The following TTC19 variants were observed in gnomAD, a reference collection of about 807,000 sequenced individuals.
TTC19 encodes tetratricopeptide repeat protein 19, mitochondrial.
A neutral mutation model predicts 49.5 loss-of-function variants in TTC19; 38 were observed. That is an observed-to-expected ratio of 0.77 (90% CI 0.59 to 1.01). The LOEUF is 1.01. Ranked by LOEUF, TTC19 falls within the 50% of genes least tolerant of loss-of-function variation. The probability of loss-of-function intolerance (pLI) is 0.00; values close to 1 mark genes in which losing one functional copy is unlikely to be tolerated. For synonymous variants in TTC19, 204 were observed against 185.2 expected, an observed-to-expected ratio of 1.10 and a Z score of -0.83; for missense variants, 475 against 477.7, an observed-to-expected ratio of 0.99 and a Z score of 0.05.
rs2056994248 is a variant in TTC19, at chr17:16,038,878, C to T, written c.248-5625C>T. Among the ~76,000 whole-genome samples the T allele has an allele frequency of 2.0e-5, 3 of 152,208 alleles. 1 individual carries two copies. Among genetic ancestry groups the T allele is most frequent in the East Asian group, 3.8e-4 (2 of 5,200 alleles). On this transcript the variant is annotated intron_variant, in intron 2 of 2. Coordinates refer to the TTC19 transcript ENST00000470649. ...CTCCGCCTCTCGGGTTCAAGCAATTCTCCTGCCTCAGCCTCCTGAGTACCT... is the reference window on the plus strand; with the variant it reads ...CTCCGCCTCTCGGGTTCAAGCAATTTTCCTGCCTCAGCCTCCTGAGTACCT...
chr17:16,018,338 G>A (rs999881214), intron 7 of TTC19, among the ~76,000 whole-genome samples: 2 of 151,998 alleles, frequency 1.3e-5, no homozygotes, highest in African/African-American at 2.4e-5. Flanking sequence ...ACATGCTCTG[G>A]CCTCTTACCC....
chr17:16,010,167 AT>A (rs1201745186), intron 7 of TTC19, among the ~76,000 whole-genome samples: 2,014 of 108,194 alleles, frequency 0.019, 13 homozygotes, highest in African/African-American at 0.068. Context: ...TTAATTTTTA[AT>A]TTTTTTTTTT....
rs780815687 is a variant in TTC19, at chr17:16,000,202, A to ACGAGGC, written c.276_281dup (p.Ala94_Glu95dup). On this transcript the variant is annotated inframe_insertion, in exon 2 of 10. Transcript: ENST00000261647. ...GGGGCCGCTGCCGAGGACGGGGCGG[A>ACGAGGC]CGAGGCCGAGGCAGAGATCATCCAG... is the stretch of plus-strand genomic sequence containing the variant. The ACGAGGC allele has an allele frequency of 3.8e-6, 6 of 1,594,344 alleles. No individual in the cohort carries two copies. In the African/African-American group the frequency reaches 6.7e-5, roughly 18 times the overall value.
At chr17:16,034,667 T>A in intron 2 of TTC19, 4 of 1,115,046 alleles carry the variant, frequency 3.6e-6, no homozygotes, top group Non-Finnish European at 5.2e-6. Context: ...GAATATAGGT[T>A]TCCAAATTAG....
chr17:16,025,243 C>T, intron 8 of TTC19, 72 bp downstream of exon 8: 1 of 1,501,328 alleles, frequency 6.7e-7, no homozygotes, highest in Non-Finnish European at 9.1e-7. Flanking sequence ...AAATGTCACA[C>T]TCATTGGTAA....
intron 9 of TTC19, 176 bp downstream of exon 9, chr17:16,026,878 C>CA: frequency 1.4e-6 from 1 of 727,968 alleles, no homozygotes; most frequent in Non-Finnish European, 2.4e-6. Flanking sequence ...CTATTGTGTT[C>CA]AATTCACGTA....
At position 16,001,992 on chromosome 17, in the gene TTC19, T is replaced by C. The variant is rs756757724; in HGVS notation, c.390T>C (p.Asp130=). 6.2e-7 allele frequency: 1 copy of C among 1,613,004 alleles called. No individual in the cohort carries two copies. Among genetic ancestry groups the C allele is most frequent in the African/African-American group, 1.3e-5 (1 of 74,934 alleles). ...CTCTTCGTCTCGCCTATCAGACTGATAACAAGAAGGCCATCACTTACACTT... is the reference window on the plus strand; with the variant it reads ...CTCTTCGTCTCGCCTATCAGACTGACAACAAGAAGGCCATCACTTACACTT... ...HDALRLAYQT[D]NKKAITYTYD... Residue 130 remains aspartate, a synonymous_variant, in exon 3 of 10, where the codon GAT becomes GAC. Coordinates refer to ENST00000261647, the MANE Select transcript of TTC19 (RefSeq NM_017775.4).
At chr17:16,002,064 GT>G in intron 3 of TTC19, 39 bp downstream of exon 3, 2 of 1,390,094 alleles carry the variant, frequency 1.4e-6, no homozygotes, top group Non-Finnish European at 2.0e-6. Flanking sequence ...GATGAGGAAG[GT>G]TGGATGGGAG....
Position 16,028,727 on chromosome 17 carries a change from T to C in TTC19, c.*1205T>C, listed in dbSNP as rs1368449899. 6 of 447,006 alleles carry C rather than the reference T, an allele frequency of 1.3e-5. No homozygotes were observed. Among genetic ancestry groups the C allele is most frequent in the Non-Finnish European group, 2.7e-5 (6 of 225,272 alleles). 27.7% of individuals were successfully genotyped at this position (447,006 alleles called of 1,614,324 possible). Reference sequence around the variant, plus strand: ...GTGAGTGGGACTGATAAACTGATACTTTTGGTTCGTATGTACATACTGGAA... The same window carrying C: ...GTGAGTGGGACTGATAAACTGATACCTTTGGTTCGTATGTACATACTGGAA... On this transcript the variant is annotated 3_prime_UTR_variant, in exon 10 of 10. Transcript: ENST00000261647.
chr17:16,032,076 C>A, downstream of TTC19: 1 of 504,202 alleles, frequency 2.0e-6, no homozygotes, highest in South Asian at 2.8e-5. Flanking sequence ...TATTATAGTC[C>A]ACTGAATTGC....
At chr17:16,014,612 C>T (rs1971162314) in intron 7 of TTC19, among the ~76,000 whole-genome samples, 1 of 152,092 alleles carries the variant, frequency 6.6e-6, no homozygotes, top group Non-Finnish European at 1.5e-5. Context: ...TTCTGAGTGC[C>T]AACATGATGC....
chr17:16,039,132 T>A (rs1241907721), intron 2 of TTC19: 2 of 265,804 alleles, frequency 7.5e-6, no homozygotes, highest in African/African-American at 2.2e-5. Context: ...TCAAAAACAT[T>A]ATATTTGTGT....
intron 7 of TTC19, among the ~76,000 whole-genome samples, chr17:16,012,311 A>G (rs905801408): frequency 5.9e-5 from 9 of 152,082 alleles, no homozygotes; most frequent in African/African-American, 1.9e-4. Context: ...AAACGTGGCA[A>G]AACCCCATGT....
chr17:16,013,955 G>T lies in TTC19; in HGVS notation c.676+7387G>T, dbSNP rs77367813. 3.6e-3 allele frequency among the ~76,000 whole-genome samples: 543 copies of T among 152,352 alleles called. 7 individuals carry two copies. Among genetic ancestry groups the T allele is most frequent in the East Asian group, 0.027 (140 of 5,192 alleles). On this transcript the variant is annotated intron_variant, in intron 7 of 9. Transcript: ENST00000261647. The stretch of plus-strand genomic sequence containing the variant: ...GGACATTTATGTCAAGTAACTGGCA[G>T]TTCAGCAATAGGGAGCAGGCTGTTG...
At chr17:16,003,258 A>AT (rs924257661) in intron 4 of TTC19, among the ~76,000 whole-genome samples, 38 of 150,100 alleles carry the variant, frequency 2.5e-4, no homozygotes, top group African/African-American at 2.0e-4. Context: ...AATTGACTGA[A>AT]TTTTTTTTTT....
At chr17:16,031,115 C>A (rs1971902959), downstream of TTC19, 1 of 192,980 alleles carries the variant, frequency 5.2e-6, no homozygotes, top group African/African-American at 2.3e-5. Flanking sequence ...AGAATTCAGT[C>A]TTTTAAATTA....
chr17:16,027,429 GAAA>G lies in TTC19; in HGVS notation c.1054_1056del (p.Lys352del). 6.2e-7 allele frequency: 1 copy of G among 1,614,108 alleles called. No homozygotes were observed. The highest frequency in any genetic ancestry group is 1.1e-5 in the South Asian group (1 of 91,076). On this transcript the variant is annotated inframe_deletion, in exon 10 of 10. Transcript: ENST00000261647. ...AGGAAGCACTGAAGCAAGCAAAGCT[GAAA>G]AAAGATGAAATTTCTGTACAACACA...
chr17:16,039,668 A>G (rs562623179), intron 2 of TTC19: 23 of 1,605,498 alleles, frequency 1.4e-5, no homozygotes, highest in East Asian at 2.2e-5. Flanking sequence ...AAAGAGAATC[A>G]AAAACATTTC....
At chr17:16,003,788 A>T in intron 4 of TTC19, 43 bp from the exon 5 acceptor site, 1 of 1,536,394 alleles carries the variant, frequency 6.5e-7, no homozygotes, top group Non-Finnish European at 8.9e-7. Flanking sequence ...TATATATAAA[A>T]TGGGGCCCAA....
Sources: allele counts gnomAD v4.1 joint callset (sites outside exome capture counted in the v4.1 genomes callset), GRCh38; gene constraint gnomAD v4.1.1; transcripts MANE v1.5; gene names NCBI Gene and HGNC (gene_info 2026-07-23, HGNC 2026-07-21).